ASIC2: variants seen among roughly 807,000 people sequenced by gnomAD.
ASIC2 encodes acid sensing ion channel subunit 2.
ASIC2 carries 25 observed loss-of-function variants against 57.3 expected under a neutral mutation model. The observed-to-expected ratio is 0.44, with a 90% confidence interval of 0.32 to 0.61. The LOEUF (loss-of-function observed/expected upper bound fraction) is 0.61. Among genes scored for constraint, ASIC2 ranks in the 20% least tolerant of loss-of-function variants. ASIC2 has a pLI of 0.06. For synonymous variants in ASIC2, 319 were observed against 307.5 expected, an observed-to-expected ratio of 1.04 and a Z score of -0.39; for missense variants, 641 against 738.1, an observed-to-expected ratio of 0.87 and a Z score of 1.52.
chr17:33,319,724 G>T (rs1906794472), intron 1 of ASIC2, among the ~76,000 whole-genome samples: 1 of 152,080 alleles, frequency 6.6e-6, no homozygotes, highest in East Asian at 1.9e-4. Flanking sequence ...TGTAGAGATG[G>T]GGTTTCACCA....
At chr17:33,021,854 G>T (rs192497009) in intron 6 of ASIC2, among the ~76,000 whole-genome samples, 5 of 152,230 alleles carry the variant, frequency 3.3e-5, no homozygotes, top group Non-Finnish European at 7.3e-5. Flanking sequence ...TGGCTGGGGG[G>T]TGTTCTGGCA....
intron 1 of ASIC2, among the ~76,000 whole-genome samples, chr17:33,984,629 G>A (rs1905750830): frequency 6.6e-6 from 1 of 152,196 alleles, no homozygotes; most frequent in Non-Finnish European, 1.5e-5. Flanking sequence ...GGGGGAAAGA[G>A]GTTCTAAGGA....
At chr17:33,827,635 A>C (rs9914163) in intron 1 of ASIC2, 122,805 of 151,278 alleles carry the variant, frequency 0.81, 50,216 homozygotes, top group African/African-American at 0.85. Flanking sequence ...TAAGCCACAG[A>C]GCCCAGCTGC....
At position 34,068,498 on chromosome 17, in the gene ASIC2, A is replaced by C. The variant is rs145490918; in HGVS notation, c.555+87480T>G. 7.1e-3 allele frequency among the ~76,000 whole-genome samples: 1,076 copies of C among 152,280 alleles called. 17 individuals are homozygous for C. The highest frequency in any genetic ancestry group is 0.024 in the African/African-American group (1,007 of 41,558). On this transcript the variant is annotated intron_variant, in intron 1 of 9. Coordinates refer to the ASIC2 transcript ENST00000359872. The stretch of plus-strand genomic sequence containing the variant: ...GGCTTCTAGATGTCAAGAAAGATGG[A>C]TTCCAATCCCACCTCTGCCACTAAA...
intron 1 of ASIC2, among the ~76,000 whole-genome samples, chr17:33,901,338 C>T (rs781717289): frequency 2.6e-5 from 4 of 152,126 alleles, no homozygotes; most frequent in Non-Finnish European, 4.4e-5. Context: ...CCAGTTTTTC[C>T]AGTTTATCCT....
chr17:33,380,274 A>C (rs553072870), intron 1 of ASIC2, among the ~76,000 whole-genome samples: 1 of 149,506 alleles, frequency 6.7e-6, no homozygotes, highest in East Asian at 1.9e-4. Flanking sequence ...AAAAAGAAAG[A>C]AAGAAAGAAA....
At chr17:33,664,106 A>G (rs1291572566) in intron 1 of ASIC2, among the ~76,000 whole-genome samples, 1 of 152,018 alleles carries the variant, frequency 6.6e-6, no homozygotes, top group African/African-American at 2.4e-5. Flanking sequence ...CATCTACCTC[A>G]CTTTCTGCAC....
intron 1 of ASIC2, among the ~76,000 whole-genome samples, chr17:33,747,604 G>A (rs1216294868): frequency 9.9e-5 from 15 of 152,162 alleles, no homozygotes; most frequent in Non-Finnish European, 2.1e-4. Context: ...TGAAGATCAT[G>A]CTACTCTTGC....
intron 1 of ASIC2, among the ~76,000 whole-genome samples, chr17:34,060,376 G>C (rs1022543702): frequency 5.9e-5 from 9 of 152,162 alleles, no homozygotes; most frequent in African/African-American, 1.9e-4. Flanking sequence ...CCCCCTGACA[G>C]AGCCTATCCA....
chr17:33,535,154 G>C (rs1751319662), intron 1 of ASIC2, among the ~76,000 whole-genome samples: 1 of 152,198 alleles, frequency 6.6e-6, no homozygotes, highest in Non-Finnish European at 1.5e-5. Context: ...TGCAAAGACT[G>C]AATCTGTGTA....
intron 1 of ASIC2, among the ~76,000 whole-genome samples, chr17:33,346,069 A>G (rs1226692258): frequency 6.6e-6 from 1 of 151,896 alleles, no homozygotes; most frequent in East Asian, 1.9e-4. Context: ...TTTACTAAAA[A>G]TACAAAAATT....
intron 1 of ASIC2, among the ~76,000 whole-genome samples, chr17:34,034,109 T>G (rs766963023): frequency 6.6e-6 from 1 of 152,188 alleles, no homozygotes; most frequent in Non-Finnish European, 1.5e-5. Context: ...ACAAAAATTC[T>G]CAATAAAATA....
At chr17:33,470,586 T>C (rs1427389294) in intron 1 of ASIC2, among the ~76,000 whole-genome samples, 2 of 152,216 alleles carry the variant, frequency 1.3e-5, no homozygotes, top group African/African-American at 4.8e-5. Context: ...GTGATGCTGA[T>C]GCTATGAGTC....
chr17:33,211,380 C>T (rs1567785682), intron 1 of ASIC2, among the ~76,000 whole-genome samples: 1 of 152,078 alleles, frequency 6.6e-6, no homozygotes, highest in Admixed American at 6.6e-5. Flanking sequence ...AATGGGCACT[C>T]AGGACTCCTC....
In ASIC2 at chr17:33,868,177, ATGTATGTGTGTGTG is replaced by A. The variant is rs1363858342; in HGVS notation, c.555+287787_555+287800del. Among the ~76,000 whole-genome samples the A allele has an allele frequency of 2.5e-5, 3 of 118,680 alleles. 1 individual carries two copies. Among genetic ancestry groups the A allele is most frequent in the Non-Finnish European group, 5.6e-5 (3 of 53,820 alleles). 77.9% of individuals were successfully genotyped at this position (118,680 alleles called of 152,430 possible). Reference sequence around the variant, plus strand: ...AAACTATTTATGGCAGGGTCAACAAATGTATGTGTGTGTGTGTATGTGTGTGTGTGTGTGTGTGT... The same window carrying A: ...AAACTATTTATGGCAGGGTCAACAAATGTATGTGTGTGTGTGTGTGTGTGT... On this transcript the variant is annotated intron_variant, in intron 1 of 9. Transcript: ENST00000359872.
At chr17:33,881,311 T>A (rs550969297) in intron 1 of ASIC2, among the ~76,000 whole-genome samples, 29 of 152,032 alleles carry the variant, frequency 1.9e-4, no homozygotes, top group African/African-American at 5.8e-4. Context: ...GGAAAAGAGG[T>A]AGTCAAATTG....
At chr17:33,791,675 A>G (rs1911775229) in intron 1 of ASIC2, among the ~76,000 whole-genome samples, 1 of 152,160 alleles carries the variant, frequency 6.6e-6, no homozygotes, top group Non-Finnish European at 1.5e-5. Context: ...CCAATGGCAA[A>G]GAAAGCATGG....
chr17:33,993,608 A>C (rs143763618), intron 1 of ASIC2, among the ~76,000 whole-genome samples: 122 of 152,318 alleles, frequency 8.0e-4, no homozygotes, highest in Non-Finnish European at 1.2e-3. Flanking sequence ...AGCTGTGAAA[A>C]TTTGGCAAGC....
chr17:34,072,849 G>A (rs1007356439), intron 1 of ASIC2, among the ~76,000 whole-genome samples: 11 of 152,142 alleles, frequency 7.2e-5, no homozygotes, highest in East Asian at 1.9e-4. Context: ...ACTCTTGGAC[G>A]TTTAGGTTTC....
Sources: gnomAD v4.1 joint callset for allele counts (sites outside exome capture counted in the v4.1 genomes callset) on GRCh38, gnomAD v4.1.1 for gene constraint, MANE v1.5 for transcripts, NCBI Gene and HGNC (gene_info 2026-07-23, HGNC 2026-07-21) for gene names.